Variants in BMPR1B observed in about 807,000 individuals in gnomAD.
The protein encoded by BMPR1B is bone morphogenetic protein receptor type-1B.
In BMPR1B, 12 loss-of-function variants were observed where a neutral mutation model predicts 59.1. That is an observed-to-expected ratio of 0.20 (90% CI 0.13 to 0.33). The LOEUF is 0.33. BMPR1B is among the 10% of genes least tolerant of loss of function. BMPR1B has a pLI of 1.00. For missense variants in BMPR1B, 550 were observed against 610.9 expected (o/e 0.90, Z 1.05); for synonymous variants, 237 against 207.3 (o/e 1.14, Z -1.23).
chr4:94,874,704 T>C (rs948840897), intron 1 of BMPR1B, among the ~76,000 whole-genome samples: 6 of 152,070 alleles, frequency 3.9e-5, no homozygotes, highest in African/African-American at 1.4e-4. Context: ...TCTGTGGCTA[T>C]TGGCCGGGTG....
At chr4:94,899,118 G>T (rs978645885) in intron 2 of BMPR1B, among the ~76,000 whole-genome samples, 2 of 151,832 alleles carry the variant, frequency 1.3e-5, no homozygotes, top group African/African-American at 4.8e-5. Context: ...GGTTTGCATC[G>T]GTCTAGTCTC....
chr4:95,139,708 CGAGCCGGGCGTGGGACCCTCG>C (rs879549099), intron 10 of BMPR1B, among the ~76,000 whole-genome samples: 1 of 151,430 alleles, frequency 6.6e-6, no homozygotes, highest in African/African-American at 2.4e-5. Flanking sequence ...TGGGACCCTC[CGAGCCGGGCGTGGGACCCTCG>C]GAGCCATGCG....
intron 4 of BMPR1B, among the ~76,000 whole-genome samples, chr4:95,109,075 G>A (rs188164756): frequency 6.6e-6 from 1 of 152,036 alleles, no homozygotes. Context: ...GATGTGGTCT[G>A]TAATCACATT....
At position 95,014,881 on chromosome 4, in the gene BMPR1B, G is replaced by C. The variant is rs957845675; in HGVS notation, c.-18+18747G>C. Reference sequence around the variant, plus strand: ...GAACGAAATGGTTCTGTACTTCACAGAATGTCATCTAGCAGGGCTATGGGG... The same window carrying C: ...GAACGAAATGGTTCTGTACTTCACACAATGTCATCTAGCAGGGCTATGGGG... On this transcript the variant is annotated intron_variant, in intron 3 of 12. Coordinates refer to ENST00000515059, the MANE Select transcript of BMPR1B (RefSeq NM_001203.3). Among the ~76,000 whole-genome samples, 13 of 152,152 alleles carry C rather than the reference G, an allele frequency of 8.5e-5. 1 individual carries two copies. Among genetic ancestry groups the C allele is most frequent in the Non-Finnish European group, 1.9e-4 (13 of 68,026 alleles).
chr4:94,762,945 T>G (rs1055701495), intron 1 of BMPR1B, among the ~76,000 whole-genome samples: 3 of 152,110 alleles, frequency 2.0e-5, no homozygotes, highest in African/African-American at 7.2e-5. Flanking sequence ...ACTTTTACTT[T>G]TGAATTTCAG....
intron 3 of BMPR1B, among the ~76,000 whole-genome samples, chr4:95,089,818 A>G (rs191165019): frequency 6.6e-6 from 1 of 152,134 alleles, no homozygotes; most frequent in African/African-American, 2.4e-5. Context: ...ATTTCAGCCT[A>G]TTAAGTATAA....
Position 94,758,075 on chromosome 4 carries a change from C to T in BMPR1B, c.-183+7C>T, listed in dbSNP as rs1721593693. 6.7e-6 allele frequency: 1 copy of T among 148,242 alleles called. No homozygotes were observed. The highest frequency in any genetic ancestry group is 1.5e-5 in the Non-Finnish European group (1 of 66,256). 9.2% of individuals were successfully genotyped at this position (148,242 alleles called of 1,614,324 possible). A position where few individuals can be genotyped will look rare whatever the true frequency, so the allele number is the denominator to read the frequency against. Reference sequence around the variant, plus strand: ...GCCGGGAGCGCAGCCGCGGGTAAGGCGCGCGCGGCGGGGCCCCGTCCCCTG... The same window carrying T: ...GCCGGGAGCGCAGCCGCGGGTAAGGTGCGCGCGGCGGGGCCCCGTCCCCTG... On this transcript the variant is annotated splice_region_variant and intron_variant, in intron 1 of 12. Coordinates refer to ENST00000515059, the MANE Select transcript of BMPR1B (RefSeq NM_001203.3).
chr4:94,842,754 C>G (rs1338284429), intron 1 of BMPR1B, among the ~76,000 whole-genome samples: 1 of 152,178 alleles, frequency 6.6e-6, no homozygotes, highest in Non-Finnish European at 1.5e-5. Context: ...TAGAATTGAA[C>G]TCTTAACCCC....
intron 3 of BMPR1B, among the ~76,000 whole-genome samples, chr4:95,053,630 TAGG>T (rs1045185588): frequency 6.6e-6 from 1 of 152,032 alleles, no homozygotes; most frequent in Non-Finnish European, 1.5e-5. Flanking sequence ...TATGCAAAAA[TAGG>T]AGGCAACCAA....
intron 1 of BMPR1B, among the ~76,000 whole-genome samples, chr4:94,793,523 G>A (rs1723063751): frequency 6.7e-6 from 1 of 150,302 alleles, no homozygotes; most frequent in South Asian, 2.1e-4. Context: ...AGTCCTTTGG[G>A]TATATACCCA....
At chr4:94,974,493 A>G (rs1730936437) in intron 2 of BMPR1B, among the ~76,000 whole-genome samples, 1 of 152,102 alleles carries the variant, frequency 6.6e-6, no homozygotes. Flanking sequence ...TCACTGATGC[A>G]GGCTGACTTA....
intron 2 of BMPR1B, among the ~76,000 whole-genome samples, chr4:94,927,055 A>G (rs192670707): frequency 9.8e-4 from 150 of 152,302 alleles, no homozygotes; most frequent in African/African-American, 3.2e-3. Flanking sequence ...TTTGCTAACA[A>G]TAACTGGTGA....
intron 2 of BMPR1B, among the ~76,000 whole-genome samples, chr4:94,946,921 G>A (rs1729737773): frequency 6.6e-6 from 1 of 152,050 alleles, no homozygotes; most frequent in East Asian, 1.9e-4. Context: ...GTGTGGTGGC[G>A]AGCACCTGTG....
At chr4:94,988,096 A>G (rs544445646) in intron 2 of BMPR1B, among the ~76,000 whole-genome samples, 1 of 152,302 alleles carries the variant, frequency 6.6e-6, no homozygotes, top group South Asian at 2.1e-4. Flanking sequence ...TTACAGGTAT[A>G]TGATGATTTT....
intron 1 of BMPR1B, among the ~76,000 whole-genome samples, chr4:94,863,723 A>C (rs557769430): frequency 3.9e-5 from 6 of 152,238 alleles, no homozygotes; most frequent in Non-Finnish European, 7.3e-5. Context: ...CTTGAATCGT[A>C]TGTGATGGGA....
intron 3 of BMPR1B, chr4:95,091,756 A>G: frequency 9.7e-6 from 8 of 820,726 alleles, no homozygotes; most frequent in Non-Finnish European, 1.2e-5. Context: ...TTTTTGGCAT[A>G]GATGGTGAAA....
intron 1 of BMPR1B, among the ~76,000 whole-genome samples, chr4:94,775,496 A>G (rs1722332423): frequency 6.6e-6 from 1 of 152,216 alleles, no homozygotes; most frequent in African/African-American, 2.4e-5. Flanking sequence ...AGATATTTCC[A>G]TCTCTATTTC....
intron 2 of BMPR1B, among the ~76,000 whole-genome samples, chr4:94,933,518 G>A (rs11946484): frequency 0.13 from 19,781 of 152,020 alleles, 1,443 homozygotes; most frequent in African/African-American, 0.19. Context: ...ATAGAGCCCA[G>A]ACAATAGGAT....
At chr4:95,061,198 CACACACACACACCA>C (rs893595008) in intron 3 of BMPR1B, among the ~76,000 whole-genome samples, 7 of 146,134 alleles carry the variant, frequency 4.8e-5, no homozygotes, top group Admixed American at 6.8e-5. Context: ...CACACACACA[CACACACACACACCA>C]CACACCCCTC....
Sources: allele counts gnomAD v4.1 joint callset (sites outside exome capture counted in the v4.1 genomes callset), GRCh38; gene constraint gnomAD v4.1.1; transcripts MANE v1.5; gene names NCBI Gene and HGNC (gene_info 2026-07-23, HGNC 2026-07-21).